STIMATE: variants seen among roughly 807,000 people sequenced by gnomAD.
The protein encoded by STIMATE is store-operated calcium entry regulator STIMATE.
STIMATE carries 15 observed loss-of-function variants against 36.7 expected under a neutral mutation model. That is an observed-to-expected ratio of 0.41 (90% CI 0.27 to 0.63). The LOEUF (loss-of-function observed/expected upper bound fraction) is 0.63. STIMATE is among the 20% of genes least tolerant of loss of function. The pLI is 0.32. For missense variants in STIMATE, 305 were observed against 397.3 expected, an observed-to-expected ratio of 0.77 and a Z score of 1.98; for synonymous variants, 163 against 162.3, an observed-to-expected ratio of 1.00 and a Z score of -0.03.
intron 1 of STIMATE, among the ~76,000 whole-genome samples, chr3:52,865,882 CTG>C (rs529568433): frequency 1.3e-5 from 2 of 151,372 alleles, no homozygotes; most frequent in Non-Finnish European, 3.0e-5. Context: ...ATGCACAGAT[CTG>C]TGTGTGTGTG....
chr3:52,859,182 A>C (rs943119871), intron 1 of STIMATE, among the ~76,000 whole-genome samples: 10 of 149,686 alleles, frequency 6.7e-5, no homozygotes, highest in Admixed American at 1.3e-4. Flanking sequence ...AAAATAAATA[A>C]AATAAAATAA....
At chr3:52,857,781 GAA>G (rs935229794) in intron 1 of STIMATE, among the ~76,000 whole-genome samples, 2 of 151,236 alleles carry the variant, frequency 1.3e-5, no homozygotes, top group African/African-American at 2.4e-5. Context: ...GAGAGAGAGA[GAA>G]AGAGAAGCAA....
At chr3:52,845,919 G>A (rs1413484380) in intron 4 of STIMATE, among the ~76,000 whole-genome samples, 11 of 135,914 alleles carry the variant, frequency 8.1e-5, no homozygotes, top group African/African-American at 2.7e-4. Context: ...GGGGGTACAG[G>A]GTAGCATTTT....
At chr3:52,883,717 T>TG (rs1202567218) in intron 1 of STIMATE, among the ~76,000 whole-genome samples, 1 of 152,236 alleles carries the variant, frequency 6.6e-6, no homozygotes. Flanking sequence ...GTTTAATTTT[T>TG]GGTTTATAAG....
At position 52,859,032 on chromosome 3, in the gene STIMATE, C is replaced by T. The variant is rs187905298; in HGVS notation, c.161-3588G>A. On this transcript the variant is annotated intron_variant, in intron 1 of 7. Coordinates refer to ENST00000355083, the MANE Select transcript of STIMATE (RefSeq NM_198563.5). ...AAAAACTTAGCTGGGTGTGGTGGCGCGTGCCTGTAATCCCAGCTATTTGGG... is the reference window on the plus strand; with the variant it reads ...AAAAACTTAGCTGGGTGTGGTGGCGTGTGCCTGTAATCCCAGCTATTTGGG... 7.3e-3 allele frequency among the ~76,000 whole-genome samples: 1,114 copies of T among 151,854 alleles called. 115 individuals are homozygous for T. The South Asian group carries it at 0.21, about 28-fold the overall frequency.
intron 1 of STIMATE, among the ~76,000 whole-genome samples, chr3:52,857,909 A>T (rs1306281785): frequency 6.6e-6 from 1 of 152,126 alleles, no homozygotes; most frequent in Non-Finnish European, 1.5e-5. Context: ...GGGGTAATTA[A>T]GGTTTAATGA....
chr3:52,881,366 G>A (rs990707608), intron 1 of STIMATE, among the ~76,000 whole-genome samples: 7 of 152,106 alleles, frequency 4.6e-5, no homozygotes, highest in Non-Finnish European at 8.8e-5. Context: ...TCCTACTCTG[G>A]ATGACAGGTT....
At chr3:52,852,973 G>A (rs1421828344) in intron 2 of STIMATE, among the ~76,000 whole-genome samples, 1 of 152,078 alleles carries the variant, frequency 6.6e-6, no homozygotes, top group African/African-American at 2.4e-5. Context: ...ATGCTCAATC[G>A]CTGCTTTGTG....
intron 6 of STIMATE, 70 bp from the exon 7 acceptor site, chr3:52,843,030 T>A: frequency 6.3e-7 from 1 of 1,597,638 alleles, no homozygotes; most frequent in Non-Finnish European, 8.5e-7. Context: ...ACAGCCCCCA[T>A]CCGCCCACTC....
chr3:52,876,875 T>C (rs1221704531), intron 1 of STIMATE, among the ~76,000 whole-genome samples: 1 of 152,208 alleles, frequency 6.6e-6, no homozygotes, highest in Non-Finnish European at 1.5e-5. Context: ...GTGTGGAGTG[T>C]TGACTGCTCT....
At chr3:52,872,566 G>C (rs1161356524) in intron 1 of STIMATE, among the ~76,000 whole-genome samples, 1 of 152,336 alleles carries the variant, frequency 6.6e-6, no homozygotes, top group Middle Eastern at 3.4e-3. Flanking sequence ...TGGAAGTCAG[G>C]ATGAACTGGC....
intron 4 of STIMATE, chr3:52,848,004 G>C (rs1217599499): frequency 6.2e-6 from 1 of 161,248 alleles, no homozygotes; most frequent in Admixed American, 6.0e-5. Flanking sequence ...AGAGGCTCCA[G>C]AAGCCAGCCC....
At chr3:52,859,579 A>C (rs1026273534) in intron 1 of STIMATE, among the ~76,000 whole-genome samples, 2 of 109,374 alleles carry the variant, frequency 1.8e-5, no homozygotes, top group African/African-American at 6.9e-5. Context: ...ATGTACCCGT[A>C]GTCCCAGCTA....
chr3:52,849,405 G>C (rs532145824), intron 4 of STIMATE, among the ~76,000 whole-genome samples: 6 of 152,338 alleles, frequency 3.9e-5, no homozygotes, highest in African/African-American at 1.4e-4. Context: ...CGAAAAATGA[G>C]AGCTGCCCCA....
At chr3:52,854,216 A>G (rs1325698725) in intron 2 of STIMATE, among the ~76,000 whole-genome samples, 1 of 152,176 alleles carries the variant, frequency 6.6e-6, no homozygotes, top group Non-Finnish European at 1.5e-5. Context: ...TGATACGAGC[A>G]CCTAAACCTC....
intron 1 of STIMATE, among the ~76,000 whole-genome samples, chr3:52,890,016 C>T (rs939120280): frequency 3.3e-5 from 5 of 152,184 alleles, no homozygotes; most frequent in Non-Finnish European, 7.4e-5. Context: ...CTACGTGAAC[C>T]TTTGCTCTTA....
intron 1 of STIMATE, among the ~76,000 whole-genome samples, chr3:52,887,506 G>C (rs1359687290): frequency 6.6e-6 from 1 of 151,956 alleles, no homozygotes; most frequent in Non-Finnish European, 1.5e-5. Context: ...CAAGACACAA[G>C]GATGCTGCCT....
rs760682279 is a variant in STIMATE at position 52,849,792 on chromosome 3, C to T, written c.427G>A (p.Gly143Arg). 2 of 1,612,340 alleles carry T rather than the reference C, an allele frequency of 1.2e-6. No individual in the cohort carries two copies. ...QWESLRFGEYGDPLQCGAWVG... is the reference protein window; with the variant it reads ...QWESLRFGEYRDPLQCGAWVG... ...CTGTCCGGCATCCACAGCATATTACCATATTCGCCGAAGCGCAGGGACTCC... is the reference window on the plus strand; with the variant it reads ...CTGTCCGGCATCCACAGCATATTACTATATTCGCCGAAGCGCAGGGACTCC... The change falls in exon 4 of 8, where the codon GGA becomes AGA. Residue 143 changes from glycine to arginine, a missense_variant and splice_region_variant. Gly to Arg is a moderately radical substitution (Grantham distance 125, BLOSUM62 -2). Around this residue, in one of 3 missense-constraint regions of STIMATE, gnomAD observed 164 missense variants for 257.9 expected, o/e 0.64. Transcript: ENST00000355083.
rs371670288 is a variant in STIMATE at position 52,841,130 on chromosome 3, G to A, written c.769-520C>T. 6.4e-4 allele frequency among the ~76,000 whole-genome samples: 98 copies of A among 152,280 alleles called. 2 individuals carry two copies. In the South Asian group the frequency reaches 0.02, roughly 31 times the overall value. On this transcript the variant is annotated intron_variant, in intron 7 of 7. Coordinates refer to ENST00000355083, the MANE Select transcript of STIMATE (RefSeq NM_198563.5). The stretch of plus-strand genomic sequence containing the variant: ...GGGCTACTGAAGCCAGCACTGAGTC[G>A]ACAGACCCCCTTCCTCTGCTAATGC...
Sources: allele counts gnomAD v4.1 joint callset (sites outside exome capture counted in the v4.1 genomes callset), GRCh38; gene constraint gnomAD v4.1.1; regional missense constraint gnomAD v4.1.1; transcripts MANE v1.5; gene names NCBI Gene and HGNC (gene_info 2026-07-23, HGNC 2026-07-21).